The following ATP6V1E1 variants were observed in gnomAD, a reference collection of about 807,000 sequenced individuals.
ATP6V1E1 encodes the protein ATPase H+ transporting V1 subunit E1, also known as V-type proton ATPase subunit E 1.
ATP6V1E1 carries 21 observed loss-of-function variants against 35.2 expected under a neutral mutation model. That is an observed-to-expected ratio of 0.60 (90% confidence interval 0.42 to 0.86). ATP6V1E1 has a LOEUF of 0.86. ATP6V1E1 is among the 40% of genes least tolerant of loss of function. The pLI, the probability that ATP6V1E1 is intolerant of heterozygous loss-of-function variation, is 0.00. For synonymous variants in ATP6V1E1, 83 were observed against 87.8 expected (o/e 0.95, Z 0.30); for missense variants, 183 against 272.6 (o/e 0.67, Z 2.32).
At chr22:17,623,641 A>G (rs1047825629) in intron 1 of ATP6V1E1, among the ~76,000 whole-genome samples, 4 of 150,464 alleles carry the variant, frequency 2.7e-5, no homozygotes, top group African/African-American at 9.9e-5. Flanking sequence ...TGGGTGACAG[A>G]GCAAGACTCT....
intron 4 of ATP6V1E1, among the ~76,000 whole-genome samples, chr22:17,606,292 G>A (rs2895945): frequency 0.35 from 52,855 of 151,922 alleles, 9,528 homozygotes; most frequent in African/African-American, 0.41. Context: ...TCCTTTCACA[G>A]CTTCTTATTC....
rs991524298 is a variant in ATP6V1E1, at chr22:17,613,430, A to G, written c.100-110T>C. 23 of 787,644 alleles carry G rather than the reference A, an allele frequency of 2.9e-5. No individual in the cohort carries two copies. In the African/African-American group the frequency reaches 3.9e-4, roughly 13 times the overall value. 48.8% of individuals were successfully genotyped at this position (787,644 alleles called of 1,614,324 possible). A position where few individuals can be genotyped will look rare whatever the true frequency, so the allele number is the denominator to read the frequency against. ...TATGAACACTAATTTCATATATAAA[A>G]CAGAAAATTTATTGTGATTCATTTT... On this transcript the variant is annotated intron_variant, in intron 2 of 8. Transcript: ENST00000253413.
At chr22:17,606,448 G>C (rs570194926) in intron 4 of ATP6V1E1, among the ~76,000 whole-genome samples, 16 of 152,028 alleles carry the variant, frequency 1.1e-4, no homozygotes, top group African/African-American at 3.6e-4. Context: ...TATTTACAGG[G>C]TTCAATGACG....
At chr22:17,622,745 C>T (rs889694802) in intron 1 of ATP6V1E1, among the ~76,000 whole-genome samples, 17 of 152,172 alleles carry the variant, frequency 1.1e-4, no homozygotes, top group African/African-American at 4.1e-4. Context: ...GTGGGTAGAT[C>T]TCCTGAGGTT....
At chr22:17,599,987 G>C (rs527506113) in intron 6 of ATP6V1E1, 40 bp downstream of exon 6, 2 of 1,232,842 alleles carry the variant, frequency 1.6e-6, no homozygotes, top group South Asian at 1.2e-5. Flanking sequence ...GAAAGGGAGG[G>C]GGGAGGGAGG....
chr22:17,603,928 G>A (rs574840329), intron 4 of ATP6V1E1, among the ~76,000 whole-genome samples: 42 of 152,264 alleles, frequency 2.8e-4, no homozygotes, highest in African/African-American at 9.1e-4. Flanking sequence ...GTATGGAGAC[G>A]AGGCTACTCC....
intron 4 of ATP6V1E1, among the ~76,000 whole-genome samples, chr22:17,610,214 C>T (rs879393181): frequency 5.3e-5 from 8 of 151,844 alleles, no homozygotes; most frequent in African/African-American, 1.2e-4. Flanking sequence ...CTAATGAAAA[C>T]GTTAATTACG....
At chr22:17,599,785 T>G (rs2057752862) in intron 6 of ATP6V1E1, among the ~76,000 whole-genome samples, 1 of 150,310 alleles carries the variant, frequency 6.7e-6, no homozygotes, top group African/African-American at 2.5e-5. Context: ...TCAGGCATGG[T>G]GGCACACGCT....
intron 1 of ATP6V1E1, among the ~76,000 whole-genome samples, chr22:17,628,192 C>T (rs1170412827): frequency 6.6e-6 from 1 of 152,110 alleles, no homozygotes; most frequent in African/African-American, 2.4e-5. Flanking sequence ...TCTCGGACTC[C>T]TGACCTCAGG....
intron 7 of ATP6V1E1, 125 bp from the exon 8 acceptor site, chr22:17,594,741 C>T: frequency 1.4e-6 from 1 of 714,930 alleles, no homozygotes; most frequent in Non-Finnish European, 2.0e-6. Flanking sequence ...AAGCAACAGG[C>T]TTGAAAGGAA....
intron 2 of ATP6V1E1, among the ~76,000 whole-genome samples, chr22:17,614,833 G>A (rs2057834618): frequency 6.6e-6 from 1 of 151,550 alleles, no homozygotes; most frequent in Admixed American, 6.6e-5. Context: ...GGCGGGCGTG[G>A]TGGCAGTCGC....
chr22:17,608,152 G>A (rs933183037), intron 4 of ATP6V1E1, among the ~76,000 whole-genome samples: 4 of 152,176 alleles, frequency 2.6e-5, no homozygotes, highest in African/African-American at 7.2e-5. Flanking sequence ...GGGCCAGCAC[G>A]ATACAGGACA....
At chr22:17,594,443 C>T (rs2057720815) in intron 8 of ATP6V1E1, 86 bp downstream of exon 8, 2 of 1,072,938 alleles carry the variant, frequency 1.9e-6, no homozygotes, top group Non-Finnish European at 1.3e-6. Flanking sequence ...AGCAACAAAT[C>T]CCAAATACCA....
chr22:17,628,732 C>G lies in ATP6V1E1; in HGVS notation c.-97G>C. 3 of 1,542,476 alleles carry G rather than the reference C, an allele frequency of 1.9e-6. No individual in the cohort carries two copies. The highest frequency in any genetic ancestry group is 2.2e-5 in the South Asian group (2 of 89,622). ...GCAAAGGGAACCCCTGCGCAGATCT[C>G]GGGTTCCTTTACTTTATAACCGCGG... On this transcript the variant is annotated 5_prime_UTR_variant, in exon 1 of 9. Transcript: ENST00000253413.
chr22:17,627,432 G>T (rs1217862927), intron 1 of ATP6V1E1, among the ~76,000 whole-genome samples: 1 of 151,774 alleles, frequency 6.6e-6, no homozygotes. Flanking sequence ...CCCGGCCCCA[G>T]CCTGTATCTC....
chr22:17,614,091 C>G (rs2057829686), intron 2 of ATP6V1E1, among the ~76,000 whole-genome samples: 1 of 152,234 alleles, frequency 6.6e-6, no homozygotes, highest in Non-Finnish European at 1.5e-5. Flanking sequence ...TGGCTCACGC[C>G]TGTAATCCCA....
chr22:17,600,209 C>T (rs942704347), intron 5 of ATP6V1E1, 114 bp from the exon 6 acceptor site: 4 of 879,466 alleles, frequency 4.5e-6, no homozygotes, highest in East Asian at 2.7e-5. Context: ...CCAAGGCGGG[C>T]GGATTGCCTG....
At chr22:17,595,750 GGCAGAGGTTGCA>G (rs2057728594) in intron 7 of ATP6V1E1, among the ~76,000 whole-genome samples, 1 of 150,934 alleles carries the variant, frequency 6.6e-6, no homozygotes, top group African/African-American at 2.4e-5. Flanking sequence ...GAACCCAGGA[GGCAGAGGTTGCA>G]GCAAGCCGAG....
chr22:17,601,111 A>T lies in ATP6V1E1; in HGVS notation c.347T>A (p.Leu116Gln), dbSNP rs1207916071. The change falls in exon 5 of 9, where the codon CTG (leucine) becomes CAG (glutamine). Residue 116 changes from leucine (L) to glutamine (Q), a missense_variant. Physicochemically the swap from Leu to Gln is moderately radical, Grantham distance 113 (BLOSUM62 -2). Coordinates refer to ENST00000253413, the MANE Select transcript of ATP6V1E1 (RefSeq NM_001696.4). The part of the protein sequence containing the change: ...VKDTTRYQVL[L>Q]DGLVLQGLYQ... ...GGGTACCTGGAGAACCAGTCCATCC[A>T]GCAGCACTTGGTACCTGGTTGTATC... The T allele has an allele frequency of 1.9e-6, 3 of 1,613,322 alleles. No homozygotes were observed. Among genetic ancestry groups the T allele is most frequent in the Non-Finnish European group, 2.5e-6 (3 of 1,179,824 alleles).
Sources: gnomAD v4.1 joint callset for allele counts (sites outside exome capture counted in the v4.1 genomes callset) on GRCh38, gnomAD v4.1.1 for gene constraint, MANE v1.5 for transcripts, NCBI Gene and HGNC (gene_info 2026-07-23, HGNC 2026-07-21) for gene names.